Variants in HMCES observed in about 807,000 individuals in gnomAD.
The protein encoded by HMCES is 5-hydroxymethylcytosine binding, ES cell specific.
In HMCES, 27 loss-of-function variants were observed where a neutral mutation model predicts 35.1. That is an observed-to-expected ratio of 0.77 (90% CI 0.57 to 1.06). The LOEUF is 1.06. Among genes scored for constraint, HMCES ranks in the 50% least tolerant of loss-of-function variants. The pLI, the probability that HMCES is intolerant of heterozygous loss-of-function variation, is 0.00. For synonymous variants in HMCES, 130 were observed against 154.7 expected, an observed-to-expected ratio of 0.84 and a Z score of 1.18; for missense variants, 391 against 430.4, an observed-to-expected ratio of 0.91 and a Z score of 0.81.
At chr3:129,296,385 C>T (rs529087652) in intron 4 of HMCES, among the ~76,000 whole-genome samples, 1 of 152,218 alleles carries the variant, frequency 6.6e-6, no homozygotes, top group African/African-American at 2.4e-5. Flanking sequence ...TTTAAGTTCA[C>T]TGAGTCTTTC....
chr3:129,304,612 C>CCAGA lies in HMCES; in HGVS notation c.853_856dup (p.Arg286ThrfsTer88). 6.2e-7 allele frequency: 1 copy of CCAGA among 1,614,108 alleles called. No individual in the cohort carries two copies. The highest frequency in any genetic ancestry group is 8.5e-7 in the Non-Finnish European group (1 of 1,180,006). On this transcript the variant is annotated frameshift_variant, in exon 7 of 7. Coordinates refer to ENST00000383463, the MANE Select transcript of HMCES (RefSeq NM_020187.3). LOFTEE classifies it high-confidence loss of function. Reference sequence around the variant, plus strand: ...AGGAGCTCAGGGCAAGTGGCAGTAGCCAGAGGATGTTGCAGTGGTTGGCCA... The same window carrying CCAGA: ...AGGAGCTCAGGGCAAGTGGCAGTAGCCAGACAGAGGATGTTGCAGTGGTTGGCCA...
In HMCES at chr3:129,305,151, C is replaced by G. The variant is rs528712514; in HGVS notation, c.*326C>G. 1.0e-5 allele frequency: 3 copies of G among 298,090 alleles called. No homozygotes were observed. Among genetic ancestry groups the G allele is most frequent in the Non-Finnish European group, 1.9e-5 (3 of 160,830 alleles). The allele number at this position is 298,090 out of a possible 1,614,324, so 18.5% of individuals were successfully genotyped here. A position where few individuals can be genotyped will look rare whatever the true frequency, so the allele number is the denominator to read the frequency against. Reference sequence around the variant, plus strand: ...GGGAAGTCTCTGCCCTGATCTGGTACTCCTTGTAGTAAGCTGTTTTCTGCT... The same window carrying G: ...GGGAAGTCTCTGCCCTGATCTGGTAGTCCTTGTAGTAAGCTGTTTTCTGCT... On this transcript the variant is annotated 3_prime_UTR_variant, in exon 7 of 7. Coordinates refer to ENST00000383463, the MANE Select transcript of HMCES (RefSeq NM_020187.3).
chr3:129,287,016 TA>T (rs1452569787), intron 2 of HMCES, among the ~76,000 whole-genome samples: 1 of 152,154 alleles, frequency 6.6e-6, no homozygotes, highest in Non-Finnish European at 1.5e-5. Flanking sequence ...ATAGTGTGTC[TA>T]AGGTTTATTA....
At chr3:129,285,977 G>A (rs962153710) in intron 2 of HMCES, among the ~76,000 whole-genome samples, 1 of 151,322 alleles carries the variant, frequency 6.6e-6, no homozygotes, top group Non-Finnish European at 1.5e-5. Context: ...TGATCCGCTC[G>A]CCTCAGCCTC....
chr3:129,292,519 GTCTC>G (rs1440967414), intron 4 of HMCES, among the ~76,000 whole-genome samples: 2 of 143,950 alleles, frequency 1.4e-5, no homozygotes, highest in African/African-American at 2.6e-5. Flanking sequence ...TTGAGACAGA[GTCTC>G]TCTCTGTTGC....
intron 4 of HMCES, among the ~76,000 whole-genome samples, chr3:129,294,693 C>T (rs572991071): frequency 6.6e-6 from 1 of 152,166 alleles, no homozygotes; most frequent in South Asian, 2.1e-4. Context: ...GTACACGTAC[C>T]TTCATTTTAG....
intron 4 of HMCES, among the ~76,000 whole-genome samples, chr3:129,297,553 A>G (rs1242441506): frequency 1.3e-5 from 2 of 152,100 alleles, no homozygotes; most frequent in Non-Finnish European, 2.9e-5. Flanking sequence ...AGCACTGGCA[A>G]AGTCCAAGGA....
At position 129,298,237 on chromosome 3, in the gene HMCES, G is replaced by A. The variant is rs146462019; in HGVS notation, c.454-117G>A. On this transcript the variant is annotated intron_variant, in intron 4 of 6. Transcript: ENST00000383463. ...TTGGTGACAGAGGGGTTAATAAGACGTGGGCTGAATTACTTTTAAAATGAT... is the reference window on the plus strand; with the variant it reads ...TTGGTGACAGAGGGGTTAATAAGACATGGGCTGAATTACTTTTAAAATGAT... 2,038 of 900,014 alleles carry A rather than the reference G, an allele frequency of 2.3e-3. 29 individuals carry two copies. The African/African-American group carries it at 0.03, about 13-fold the overall frequency. The allele number at this position is 900,014 out of a possible 1,614,324, so 55.8% of individuals were successfully genotyped here.
intron 5 of HMCES, 125 bp downstream of exon 5, chr3:129,298,660 C>T: frequency 2.6e-6 from 2 of 777,900 alleles, no homozygotes; most frequent in East Asian, 5.4e-5. Flanking sequence ...ATCAGTTTGA[C>T]TCTAACATGA....
At chr3:129,302,192 C>A in intron 6 of HMCES, 50 bp downstream of exon 6, 1 of 1,471,004 alleles carries the variant, frequency 6.8e-7, no homozygotes, top group Non-Finnish European at 9.2e-7. Flanking sequence ...TGTCTTCTGT[C>A]AGTGTTCTCT....
intron 3 of HMCES, 139 bp from the exon 4 acceptor site, chr3:129,290,540 G>A (rs964476957): frequency 2.6e-5 from 19 of 745,054 alleles, no homozygotes; most frequent in South Asian, 1.8e-4. Flanking sequence ...CATCTCGGCC[G>A]CCCAAAGTGT....
intron 4 of HMCES, among the ~76,000 whole-genome samples, chr3:129,292,440 C>T (rs1481553214): frequency 2.7e-5 from 4 of 149,018 alleles, no homozygotes; most frequent in Non-Finnish European, 4.4e-5. Flanking sequence ...TGCAGTGAGC[C>T]GAGATTGCAC....
intron 6 of HMCES, among the ~76,000 whole-genome samples, chr3:129,302,715 C>CA (rs1380656500): frequency 2.7e-5 from 4 of 148,832 alleles, no homozygotes; most frequent in East Asian, 4.0e-4. Flanking sequence ...GACTGCGTTT[C>CA]AAAAAAAAGA....
intron 4 of HMCES, 108 bp from the exon 5 acceptor site, chr3:129,298,246 A>G: frequency 9.7e-7 from 1 of 1,026,962 alleles, no homozygotes; most frequent in Admixed American, 2.1e-5. Context: ...CGTGGGCTGA[A>G]TTACTTTTAA....
At position 129,304,695 on chromosome 3, in the gene HMCES, C is replaced by T. The variant is rs1406495113; in HGVS notation, c.935C>T (p.Pro312Leu). The T allele has an allele frequency of 1.2e-6, 2 of 1,613,982 alleles. No homozygotes were observed. Among genetic ancestry groups the T allele is most frequent in the Non-Finnish European group, 1.7e-6 (2 of 1,180,032 alleles). Residue 312 changes from proline (P) to leucine (L), a missense_variant, in exon 7 of 7, where the codon CCC becomes CTC. Coordinates refer to ENST00000383463, the MANE Select transcript of HMCES (RefSeq NM_020187.3). Reference protein sequence around the residue: ...KTPQKEESDVPQWSSQFLQKS... With the variant: ...KTPQKEESDVLQWSSQFLQKS... ...CCTCAAAAGGAAGAGTCAGATGTTC[C>T]CCAGTGGTCCAGTCAGTTCCTGCAG...
In HMCES at chr3:129,290,664, C is replaced by A. The variant is rs1342905470; in HGVS notation, c.328-15C>A. 4 of 1,610,636 alleles carry A rather than the reference C, an allele frequency of 2.5e-6. No homozygotes were observed. In the Admixed American group the frequency reaches 5.0e-5, roughly 20 times the overall value. The stretch of plus-strand genomic sequence containing the variant: ...TGTATCACTAAGACCATATCTTGCT[C>A]ACATTTTCCCTCAGGTGCCTCTGGG... On this transcript the variant is annotated splice_polypyrimidine_tract_variant and intron_variant, in intron 3 of 6. Transcript: ENST00000383463.
intron 2 of HMCES, among the ~76,000 whole-genome samples, chr3:129,288,146 G>A (rs1940689181): frequency 6.6e-6 from 1 of 151,872 alleles, no homozygotes; most frequent in Non-Finnish European, 1.5e-5. Flanking sequence ...ATGATGGTGT[G>A]CACCTGTAGT....
chr3:129,281,317 C>G (rs557785661), intron 2 of HMCES, among the ~76,000 whole-genome samples: 73 of 152,256 alleles, frequency 4.8e-4, no homozygotes, highest in African/African-American at 1.7e-3. Context: ...ACCTCTGGTA[C>G]ATACTCTTTA....
intron 6 of HMCES, among the ~76,000 whole-genome samples, chr3:129,302,407 G>T (rs546054702): frequency 6.6e-6 from 1 of 152,248 alleles, no homozygotes; most frequent in South Asian, 2.1e-4. Context: ...GCTAGGCTTG[G>T]ACTTTTGTAT....
Sources: allele counts gnomAD v4.1 joint callset (sites outside exome capture counted in the v4.1 genomes callset), GRCh38; gene constraint gnomAD v4.1.1; transcripts MANE v1.5; gene names NCBI Gene and HGNC (gene_info 2026-07-23, HGNC 2026-07-21).